GRB10: variants seen among roughly 807,000 people sequenced by gnomAD.
The protein encoded by GRB10 is growth factor receptor-bound protein 10.
GRB10 carries 20 observed loss-of-function variants against 80.9 expected under a neutral mutation model. The observed-to-expected ratio is 0.25, with a 90% CI of 0.17 to 0.36. GRB10 has a LOEUF of 0.36. Ranked by LOEUF, GRB10 falls within the 10% of genes least tolerant of loss-of-function variation. The pLI is 1.00. For missense variants in GRB10, 548 were observed against 747.7 expected (o/e 0.73, Z 3.12); for synonymous variants, 291 against 291.5 (o/e 1.00, Z 0.02).
At chr7:50,694,933 A>T (rs906254447) in intron 5 of GRB10, among the ~76,000 whole-genome samples, 3 of 152,208 alleles carry the variant, frequency 2.0e-5, no homozygotes, top group Non-Finnish European at 2.9e-5. Flanking sequence ...ATCTCTAAAA[A>T]CTTGACAATG....
intron 3 of GRB10, among the ~76,000 whole-genome samples, chr7:50,751,187 A>C (rs991174451): frequency 6.6e-6 from 1 of 152,166 alleles, no homozygotes; most frequent in African/African-American, 2.4e-5. Flanking sequence ...AGGTAGACCC[A>C]CAGCCATGTC....
At chr7:50,597,837 C>T (rs752253607) in intron 17 of GRB10, among the ~76,000 whole-genome samples, 2 of 152,214 alleles carry the variant, frequency 1.3e-5, no homozygotes, top group Non-Finnish European at 2.9e-5. Flanking sequence ...TTCTCAGCCT[C>T]AATTTCTTCA....
chr7:50,706,519 C>T (rs1181896166), intron 4 of GRB10, among the ~76,000 whole-genome samples: 1 of 152,234 alleles, frequency 6.6e-6, no homozygotes, highest in African/African-American at 2.4e-5. Context: ...GTGGAGGCAA[C>T]CGCCTGTTTC....
At chr7:50,674,995 G>A (rs1282652546) in intron 5 of GRB10, among the ~76,000 whole-genome samples, 2 of 152,100 alleles carry the variant, frequency 1.3e-5, no homozygotes, top group African/African-American at 4.8e-5. Flanking sequence ...CACAGCCACA[G>A]CTGCATAGCA....
At chr7:50,743,370 A>G (rs777613148) in intron 3 of GRB10, among the ~76,000 whole-genome samples, 1 of 152,228 alleles carries the variant, frequency 6.6e-6, no homozygotes, top group Non-Finnish European at 1.5e-5. Flanking sequence ...GAAAAGAGTA[A>G]ATTTTTTAAA....
intron 18 of GRB10, 42 bp downstream of exon 18, chr7:50,595,395 A>G (rs2046447910): frequency 9.1e-7 from 1 of 1,093,578 alleles, no homozygotes; most frequent in Non-Finnish European, 1.4e-6. Flanking sequence ...ATGAAACCAG[A>G]AAACAAACCA....
At chr7:50,710,239 A>G (rs1212494369) in intron 4 of GRB10, among the ~76,000 whole-genome samples, 2 of 152,070 alleles carry the variant, frequency 1.3e-5, no homozygotes, top group African/African-American at 2.4e-5. Flanking sequence ...TCACAACCCC[A>G]GCACATGGCC....
At chr7:50,776,984 C>A (rs1471667483) in intron 2 of GRB10, among the ~76,000 whole-genome samples, 4 of 152,196 alleles carry the variant, frequency 2.6e-5, no homozygotes, top group African/African-American at 9.6e-5. Context: ...CTACCCATTA[C>A]CCAATTCCAC....
At chr7:50,635,966 T>C (rs2054930234) in intron 7 of GRB10, among the ~76,000 whole-genome samples, 3 of 27,510 alleles carry the variant, frequency 1.1e-4, no homozygotes, top group Admixed American at 3.6e-4. Context: ...CCTTTCCTTT[T>C]TTTTTTTTTT....
chr7:50,763,196 T>C (rs115818140), intron 2 of GRB10, among the ~76,000 whole-genome samples: 115 of 151,264 alleles, frequency 7.6e-4, no homozygotes, highest in African/African-American at 2.7e-3. Flanking sequence ...TCTTCTTTAC[T>C]GAAATAAGAG....
chr7:50,636,774 A>T (rs562813145), intron 7 of GRB10, among the ~76,000 whole-genome samples: 1 of 152,356 alleles, frequency 6.6e-6, no homozygotes. Flanking sequence ...AGCCACTATC[A>T]TACTGAATAG....
intron 3 of GRB10, among the ~76,000 whole-genome samples, chr7:50,746,360 T>C (rs563517323): frequency 1.3e-5 from 2 of 152,352 alleles, no homozygotes; most frequent in African/African-American, 4.8e-5. Flanking sequence ...ATGTACCGTG[T>C]TGCCAGCACT....
chr7:50,644,712 C>T (rs569578581), intron 7 of GRB10, among the ~76,000 whole-genome samples: 1 of 152,298 alleles, frequency 6.6e-6, no homozygotes, highest in South Asian at 2.1e-4. Context: ...CAGCACCGAA[C>T]TAGCAAGAGC....
At chr7:50,701,289 A>G (rs2064175508) in intron 5 of GRB10, among the ~76,000 whole-genome samples, 1 of 152,144 alleles carries the variant, frequency 6.6e-6, no homozygotes, top group Non-Finnish European at 1.5e-5. Flanking sequence ...CGTCTTCCTC[A>G]AGAAGTACTT....
At chr7:50,767,733 T>C (rs990475643) in intron 2 of GRB10, among the ~76,000 whole-genome samples, 3 of 152,160 alleles carry the variant, frequency 2.0e-5, no homozygotes, top group Non-Finnish European at 4.4e-5. Flanking sequence ...CTTTCTTAAA[T>C]CAGACCCAGC....
intron 18 of GRB10, 123 bp from the exon 19 acceptor site, chr7:50,593,221 G>A (rs2046024316): frequency 8.8e-7 from 1 of 1,134,924 alleles, no homozygotes; most frequent in Non-Finnish European, 1.3e-6. Context: ...CACAGGGCAA[G>A]GTAGGCTAGA....
At chr7:50,778,652 G>A (rs2077954750) in intron 2 of GRB10, among the ~76,000 whole-genome samples, 1 of 152,150 alleles carries the variant, frequency 6.6e-6, no homozygotes, top group Non-Finnish European at 1.5e-5. Context: ...CCAAGGGTAG[G>A]GTCGGGCTAA....
At chr7:50,693,068 T>G (rs1476923603) in intron 5 of GRB10, among the ~76,000 whole-genome samples, 1 of 152,170 alleles carries the variant, frequency 6.6e-6, no homozygotes, top group African/African-American at 2.4e-5. Context: ...GATGGGTACA[T>G]GCAAACGAAG....
intron 12 of GRB10, among the ~76,000 whole-genome samples, chr7:50,614,477 C>T (rs2050168889): frequency 1.3e-5 from 2 of 152,184 alleles, no homozygotes; most frequent in African/African-American, 2.4e-5. Context: ...GCTACTAGTA[C>T]TGGGCTACAG....
Sources: gnomAD v4.1 joint callset for allele counts (sites outside exome capture counted in the v4.1 genomes callset) on GRCh38, gnomAD v4.1.1 for gene constraint, MANE v1.5 for transcripts, NCBI Gene and HGNC (gene_info 2026-07-23, HGNC 2026-07-21) for gene names.